Variants in SPTBN1 observed in about 807,000 individuals in gnomAD.
The protein encoded by SPTBN1 is spectrin beta, non-erythrocytic 1, also known as spectrin beta chain, non-erythrocytic 1.
Under a neutral mutation model 266.4 loss-of-function variants are expected in SPTBN1, and 32 were observed. The ratio of observed to expected loss-of-function variants is 0.12; its 90% CI spans 0.09 to 0.16. SPTBN1 has a LOEUF of 0.16. Among genes scored for constraint, SPTBN1 ranks in the 10% least tolerant of loss-of-function variants. The probability of loss-of-function intolerance (pLI) is 1.00; values close to 1 mark genes in which losing one functional copy is unlikely to be tolerated. For synonymous variants in SPTBN1, 1,336 were observed against 1,162.2 expected, an observed-to-expected ratio of 1.15 and a Z score of -3.04; for missense variants, 2,296 against 3,067.1, an observed-to-expected ratio of 0.75 and a Z score of 5.94.
chr2:54,589,945 T>C (rs1460198139), intron 2 of SPTBN1, among the ~76,000 whole-genome samples: 1 of 152,238 alleles, frequency 6.6e-6, no homozygotes, highest in African/African-American at 2.4e-5. Flanking sequence ...AATTAAACTT[T>C]AATATATAAA....
At chr2:54,531,369 T>A (rs1385631432) in intron 2 of SPTBN1, among the ~76,000 whole-genome samples, 1 of 152,200 alleles carries the variant, frequency 6.6e-6, no homozygotes, top group East Asian at 1.9e-4. Flanking sequence ...ATCAGACTAC[T>A]AAGATATTTC....
At chr2:54,630,684 A>T in intron 15 of SPTBN1, among the ~76,000 whole-genome samples, 171 bp from the exon 16 acceptor site, 1 of 152,174 alleles carries the variant, frequency 6.6e-6, no homozygotes, top group East Asian at 1.9e-4. Context: ...AGCTATTTCC[A>T]TTATATTTGG....
At chr2:54,639,124 G>C (rs140447884) in intron 18 of SPTBN1, among the ~76,000 whole-genome samples, 7 of 152,212 alleles carry the variant, frequency 4.6e-5, no homozygotes, top group Non-Finnish European at 8.8e-5. Flanking sequence ...TAAGTGACAC[G>C]CAAGCATTAG....
chr2:54,579,314 G>A (rs1364821182), intron 2 of SPTBN1, among the ~76,000 whole-genome samples: 2 of 152,060 alleles, frequency 1.3e-5, no homozygotes, highest in Non-Finnish European at 2.9e-5. Context: ...CCCAGAGATC[G>A]AATACAGTGC....
intron 3 of SPTBN1, among the ~76,000 whole-genome samples, chr2:54,611,568 A>G (rs915640051): frequency 2.0e-5 from 3 of 152,130 alleles, no homozygotes; most frequent in African/African-American, 7.2e-5. Flanking sequence ...GAGGGAAGAA[A>G]CATTTGGGGT....
rs373848974 is a variant in SPTBN1 at position 54,666,097 on chromosome 2, C to T, written c.6833+9C>T. The T allele has an allele frequency of 6.2e-6, 10 of 1,604,470 alleles. No individual in the cohort carries two copies. The highest frequency in any genetic ancestry group is 4.5e-5 in the East Asian group (2 of 44,718). ...CACGTATTCAAGCTAAGGTGAGAGT[C>T]GCCGTGCTTCATGGCTGCCAGAGTG... is the stretch of plus-strand genomic sequence containing the variant. On this transcript the variant is annotated intron_variant, in intron 34 of 35. Coordinates refer to ENST00000356805, the MANE Select transcript of SPTBN1 (RefSeq NM_003128.3).
intron 2 of SPTBN1, among the ~76,000 whole-genome samples, chr2:54,556,904 G>A (rs1672914916): frequency 6.6e-6 from 1 of 152,128 alleles, no homozygotes; most frequent in Non-Finnish European, 1.5e-5. Context: ...GCTTGGCCAG[G>A]ACTAGCAACT....
At chr2:54,647,488 G>A (rs1255471041) in intron 24 of SPTBN1, among the ~76,000 whole-genome samples, 3 of 152,150 alleles carry the variant, frequency 2.0e-5, no homozygotes, top group South Asian at 2.1e-4. Flanking sequence ...AATATCTCCC[G>A]TTGGCCAAGG....
At chr2:54,666,805 A>G (rs536409090) in intron 34 of SPTBN1, among the ~76,000 whole-genome samples, 82 of 152,326 alleles carry the variant, frequency 5.4e-4, no homozygotes, top group African/African-American at 1.9e-3. Flanking sequence ...TGTATGTTTC[A>G]TGCCAGTTGG....
At chr2:54,634,355 G>A (rs1678967849) in intron 17 of SPTBN1, among the ~76,000 whole-genome samples, 1 of 152,186 alleles carries the variant, frequency 6.6e-6, no homozygotes, top group South Asian at 2.1e-4. Flanking sequence ...CCTTCATTTT[G>A]CCCTTGACCA....
intron 1 of SPTBN1, among the ~76,000 whole-genome samples, chr2:54,480,583 C>T (rs1269499774): frequency 1.3e-5 from 2 of 152,102 alleles, no homozygotes; most frequent in Non-Finnish European, 2.9e-5. Context: ...CAGTATAACC[C>T]ACATTCAGAT....
chr2:54,487,129 T>C (rs1368900712), intron 1 of SPTBN1, among the ~76,000 whole-genome samples: 1 of 152,010 alleles, frequency 6.6e-6, no homozygotes, highest in African/African-American at 2.4e-5. Flanking sequence ...TGTATAAAAT[T>C]TGTTTTTCTA....
chr2:54,667,788 A>C, intron 35 of SPTBN1, 142 bp downstream of exon 35: 1 of 738,024 alleles, frequency 1.4e-6, no homozygotes, highest in Non-Finnish European at 2.3e-6. Flanking sequence ...CCAGCACTAG[A>C]AGGTGTTTGG....
chr2:54,496,062 A>G (rs906612126), intron 1 of SPTBN1, among the ~76,000 whole-genome samples: 2 of 152,112 alleles, frequency 1.3e-5, no homozygotes, highest in African/African-American at 2.4e-5. Context: ...CATCTGTGCT[A>G]TTCCCAAAAA....
intron 2 of SPTBN1, among the ~76,000 whole-genome samples, chr2:54,563,028 T>C (rs1018188157): frequency 6.6e-6 from 1 of 152,126 alleles, no homozygotes; most frequent in African/African-American, 2.4e-5. Flanking sequence ...ACCTGTGAAG[T>C]TTTAGAGGTG....
chr2:54,471,033 C>T (rs1358032565), intron 1 of SPTBN1, among the ~76,000 whole-genome samples: 1 of 152,014 alleles, frequency 6.6e-6, no homozygotes, highest in Non-Finnish European at 1.5e-5. Context: ...CCAGTGTGGC[C>T]CAGGGAAGCC....
chr2:54,528,905 C>G (rs968968536), intron 2 of SPTBN1, among the ~76,000 whole-genome samples: 3 of 152,152 alleles, frequency 2.0e-5, no homozygotes, highest in Non-Finnish European at 4.4e-5. Context: ...AGTGAATTTA[C>G]AAGATACCAG....
chr2:54,461,136 T>A (rs1458069009), intron 1 of SPTBN1, among the ~76,000 whole-genome samples: 1 of 152,222 alleles, frequency 6.6e-6, no homozygotes, highest in African/African-American at 2.4e-5. Flanking sequence ...TGCATATCAT[T>A]CCCTTCTCTA....
At chr2:54,512,065 G>T (rs762085781) in intron 1 of SPTBN1, among the ~76,000 whole-genome samples, 1 of 152,032 alleles carries the variant, frequency 6.6e-6, no homozygotes, top group Non-Finnish European at 1.5e-5. Flanking sequence ...TAGGGTTTGC[G>T]CTCCTATGAG....
Sources: allele counts gnomAD v4.1 joint callset (sites outside exome capture counted in the v4.1 genomes callset), GRCh38; gene constraint gnomAD v4.1.1; transcripts MANE v1.5; gene names NCBI Gene and HGNC (gene_info 2026-07-23, HGNC 2026-07-21).